Variants in MTFR1 observed in about 807,000 individuals in gnomAD.
MTFR1 encodes mitochondrial fission regulator 1.
In MTFR1, 28 loss-of-function variants were observed where a neutral mutation model predicts 38.8. That is an observed-to-expected ratio of 0.72 (90% CI 0.53 to 0.99). MTFR1 has a LOEUF of 0.99. MTFR1 is among the 50% of genes least tolerant of loss of function. The probability of loss-of-function intolerance (pLI) is 0.00; values close to 1 mark genes in which losing one functional copy is unlikely to be tolerated. For synonymous variants in MTFR1, 145 were observed against 137.0 expected (o/e 1.06, Z -0.41); for missense variants, 358 against 395.5 (o/e 0.91, Z 0.81).
intron 3 of MTFR1, among the ~76,000 whole-genome samples, chr8:65,684,181 C>A (rs1392100378): frequency 2.0e-5 from 3 of 152,022 alleles, no homozygotes; most frequent in Non-Finnish European, 4.4e-5. Flanking sequence ...TGGGAGAATT[C>A]TTTTTCTCGA....
At chr8:65,720,578 T>C (rs1283721214) in intron 3 of MTFR1, 1 of 154,164 alleles carries the variant, frequency 6.5e-6, no homozygotes, top group African/African-American at 2.4e-5. Context: ...ATCTGAAATA[T>C]TAATTATGTA....
At chr8:65,702,281 TTTTC>T (rs1261872793) in intron 4 of MTFR1, among the ~76,000 whole-genome samples, 52 of 136,770 alleles carry the variant, frequency 3.8e-4, no homozygotes, top group South Asian at 1.1e-3. Flanking sequence ...TCTTTGTTTC[TTTTC>T]TTTCTTTCTT....
chr8:65,659,059 T>TG (rs1342851699), intron 1 of MTFR1, among the ~76,000 whole-genome samples: 4 of 152,006 alleles, frequency 2.6e-5, no homozygotes, highest in Non-Finnish European at 5.9e-5. Flanking sequence ...GATACAGAGT[T>TG]GGGGGATGTT....
At chr8:65,729,614 A>G (rs1806756528) in intron 3 of MTFR1, among the ~76,000 whole-genome samples, 1 of 151,962 alleles carries the variant, frequency 6.6e-6, no homozygotes, top group Non-Finnish European at 1.5e-5. Context: ...CCCAGCCTGG[A>G]GTGCAGTGGT....
At chr8:65,726,473 A>C (rs1806616419) in intron 3 of MTFR1, among the ~76,000 whole-genome samples, 1 of 152,202 alleles carries the variant, frequency 6.6e-6, no homozygotes, top group Non-Finnish European at 1.5e-5. Context: ...CTGGGAACAG[A>C]TTTTAATGAA....
At chr8:65,745,268 GAA>G in intron 3 of MTFR1, 1 of 650,684 alleles carries the variant, frequency 1.5e-6, no homozygotes, top group Non-Finnish European at 2.8e-6. Context: ...TCAGCAGTGT[GAA>G]AATGGACTAA....
rs1805907610 is a variant in MTFR1 at position 65,710,287 on chromosome 8, A to C, written c.*1243A>C. On this transcript the variant is annotated 3_prime_UTR_variant, in exon 8 of 8. Transcript: ENST00000262146. The stretch of plus-strand genomic sequence containing the variant: ...TCTTGAAAATATATGCATTCTCCTA[A>C]ATATTAACAAAAATGATTTGGGGAA... 1.3e-5 allele frequency: 2 copies of C among 152,310 alleles called. No homozygotes were observed. Among genetic ancestry groups the C allele is most frequent in the South Asian group, 4.1e-4 (2 of 4,830 alleles). The allele number at this position is 152,310 out of a possible 1,614,324, so 9.4% of individuals were successfully genotyped here.
At chr8:65,702,669 A>G (rs1246793646) in intron 4 of MTFR1, among the ~76,000 whole-genome samples, 1 of 152,178 alleles carries the variant, frequency 6.6e-6, no homozygotes. Flanking sequence ...TCTGTAAACT[A>G]AAAAGATGAG....
rs999633373 is a variant in MTFR1 at position 65,689,647 on chromosome 8, C to G, written c.166-3997C>G. On this transcript the variant is annotated intron_variant, in intron 3 of 7. Coordinates refer to ENST00000262146, the MANE Select transcript of MTFR1 (RefSeq NM_014637.4). Reference sequence around the variant, plus strand: ...AAACTTCCCATGCATGTCGTGGTGTCTAAATCGTATTTCCAAGAATTTCTT... The same window carrying G: ...AAACTTCCCATGCATGTCGTGGTGTGTAAATCGTATTTCCAAGAATTTCTT... The G allele has an allele frequency of 5.8e-6, 7 of 1,201,766 alleles. No homozygotes were observed. The African/African-American group carries it at 1.1e-4, about 19-fold the overall frequency. 74.4% of individuals were successfully genotyped at this position (1,201,766 alleles called of 1,614,324 possible).
chr8:65,701,095 C>T (rs1202179906), intron 4 of MTFR1, among the ~76,000 whole-genome samples: 2 of 152,190 alleles, frequency 1.3e-5, no homozygotes, highest in Non-Finnish European at 2.9e-5. Flanking sequence ...AGAATGTAAA[C>T]TTTTGTCTCT....
At chr8:65,696,447 AC>A (rs1424782397) in intron 4 of MTFR1, among the ~76,000 whole-genome samples, 1 of 152,206 alleles carries the variant, frequency 6.6e-6, no homozygotes, top group African/African-American at 2.4e-5. Flanking sequence ...AAACTATAGT[AC>A]AATATCACAG....
intron 1 of MTFR1, among the ~76,000 whole-genome samples, chr8:65,653,114 A>C (rs545388136): frequency 4.6e-5 from 7 of 152,336 alleles, no homozygotes; most frequent in Non-Finnish European, 8.8e-5. Context: ...TAGGGAGTAC[A>C]ATGTATAGTT....
At chr8:65,700,000 G>C (rs1047306327) in intron 4 of MTFR1, among the ~76,000 whole-genome samples, 2 of 151,944 alleles carry the variant, frequency 1.3e-5, no homozygotes, top group Non-Finnish European at 2.9e-5. Context: ...TTTCATAATT[G>C]GTTATTATAG....
At chr8:65,743,476 T>A (rs995376256) in intron 3 of MTFR1, among the ~76,000 whole-genome samples, 6 of 152,204 alleles carry the variant, frequency 3.9e-5, no homozygotes, top group African/African-American at 1.4e-4. Context: ...AGGGTGGCTC[T>A]GCTGATAAAG....
chr8:65,699,347 G>T (rs918729838), intron 4 of MTFR1, among the ~76,000 whole-genome samples: 4 of 152,060 alleles, frequency 2.6e-5, no homozygotes, highest in African/African-American at 9.7e-5. Context: ...TTTCCTTTAG[G>T]TATATACCCA....
chr8:65,667,391 A>G (rs1486599348), intron 1 of MTFR1, among the ~76,000 whole-genome samples: 2 of 151,614 alleles, frequency 1.3e-5, no homozygotes, highest in African/African-American at 4.8e-5. Context: ...ATAATACTTA[A>G]TTTAAACTTT....
chr8:65,680,887 T>C (rs1347181615), intron 2 of MTFR1, among the ~76,000 whole-genome samples: 3 of 150,884 alleles, frequency 2.0e-5, no homozygotes, highest in Admixed American at 6.6e-5. Flanking sequence ...CTTCCTGGGT[T>C]CAAGCAGTTC....
intron 3 of MTFR1, among the ~76,000 whole-genome samples, chr8:65,754,270 G>A (rs898903106): frequency 3.3e-5 from 5 of 151,974 alleles, no homozygotes; most frequent in East Asian, 3.9e-4. Flanking sequence ...TTGAGGGTGC[G>A]TCTGCCTTTC....
At chr8:65,776,493 A>G in the MTFR1 span, among the ~76,000 whole-genome samples, 1 of 152,200 alleles carries the variant, frequency 6.6e-6, no homozygotes, top group Non-Finnish European at 1.5e-5. Context: ...TTAGGAAAGA[A>G]GAAAAACTGG....
Sources: allele counts gnomAD v4.1 joint callset (sites outside exome capture counted in the v4.1 genomes callset), GRCh38; gene constraint gnomAD v4.1.1; transcripts MANE v1.5; gene names NCBI Gene and HGNC (gene_info 2026-07-23, HGNC 2026-07-21).